PSMA1: variants seen among roughly 807,000 people sequenced by gnomAD.
PSMA1 encodes the protein proteasome subunit alpha type-1.
A neutral mutation model predicts 38.4 loss-of-function variants in PSMA1; 3 were observed. The observed-to-expected ratio is 0.08, with a 90% CI of 0.04 to 0.20. The LOEUF (loss-of-function observed/expected upper bound fraction) is 0.20. Ranked by LOEUF, PSMA1 falls within the 10% of genes least tolerant of loss-of-function variation. The pLI is 1.00. For synonymous variants in PSMA1, 101 were observed against 107.1 expected (o/e 0.94, Z 0.35); for missense variants, 227 against 325.3 (o/e 0.70, Z 2.32).
At chr11:14,515,362 A>G (rs1851406657) in intron 4 of PSMA1, among the ~76,000 whole-genome samples, 1 of 152,212 alleles carries the variant, frequency 6.6e-6, no homozygotes, top group Admixed American at 6.5e-5. Context: ...CTTAGTACCT[A>G]AAAACGTGCA....
At chr11:14,553,995 C>T (rs1468490853) in intron 2 of PSMA1, among the ~76,000 whole-genome samples, 1 of 152,102 alleles carries the variant, frequency 6.6e-6, no homozygotes, top group Non-Finnish European at 1.5e-5. Context: ...ATTATTTTAG[C>T]CATCCTAATA....
At chr11:14,643,053 G>A (rs941756329) in intron 1 of PSMA1, among the ~76,000 whole-genome samples, 2 of 151,880 alleles carry the variant, frequency 1.3e-5, no homozygotes, top group African/African-American at 4.8e-5. Flanking sequence ...AATGGAAGGC[G>A]AGACGTTAGT....
chr11:14,603,806 C>G (rs986384288), intron 2 of PSMA1, among the ~76,000 whole-genome samples: 1 of 152,118 alleles, frequency 6.6e-6, no homozygotes, highest in Non-Finnish European at 1.5e-5. Context: ...ACAGGGAAAA[C>G]AGATCTATAA....
intron 2 of PSMA1, among the ~76,000 whole-genome samples, chr11:14,550,687 G>A (rs1190596776): frequency 6.6e-6 from 1 of 152,088 alleles, no homozygotes; most frequent in Non-Finnish European, 1.5e-5. Flanking sequence ...TGAGGGTGGG[G>A]GATCAGTTGG....
chr11:14,531,938 T>C lies in PSMA1; in HGVS notation c.22-12897A>G, dbSNP rs907259979. ...TGTATTACCTTCTCCCGCTCCATGT[T>C]GGCCACAGGTTGGCAGTGGTACTGC... On this transcript the variant is annotated intron_variant, in intron 2 of 10. Coordinates refer to the PSMA1 transcript ENST00000418988. Among the ~76,000 whole-genome samples, 11 of 152,210 alleles carry C rather than the reference T, an allele frequency of 7.2e-5. No homozygotes were observed. In the East Asian group the frequency reaches 2.1e-3, roughly 29 times the overall value.
In PSMA1 at chr11:14,534,887, C is replaced by T. The variant is rs1851685859; in HGVS notation, c.22-15846G>A. Among the ~76,000 whole-genome samples the T allele has an allele frequency of 1.3e-5, 2 of 152,142 alleles. No homozygotes were observed. Among genetic ancestry groups the T allele is most frequent in the South Asian group, 4.1e-4 (2 of 4,834 alleles). ...GATCAGGAATTCAAGACCAGCCTGG[C>T]CAACATGGCAAAACCCCGTCTCTAC... On this transcript the variant is annotated intron_variant, in intron 2 of 10. Coordinates refer to the PSMA1 transcript ENST00000418988. This position sits in a 1 kb window ranked among gnomAD's most constrained non-coding sequence, Gnocchi z 4.5.
At chr11:14,508,099 A>C (rs1328786759) in intron 8 of PSMA1, among the ~76,000 whole-genome samples, 1 of 152,186 alleles carries the variant, frequency 6.6e-6, no homozygotes, top group Non-Finnish European at 1.5e-5. Flanking sequence ...TGGCTTTATA[A>C]AACTGACTAA....
rs1241703895 is a variant in PSMA1, at chr11:14,534,205, CATAA to C, written c.22-15168_22-15165del. ...TCAAAAATACATACATACATACATA[CATAA>C]ATAAAATAAAATAAAAATTAATATC... On this transcript the variant is annotated intron_variant, in intron 2 of 10. Transcript: ENST00000418988. This position sits in a 1 kb window ranked among gnomAD's most constrained non-coding sequence, Gnocchi z 4.5. Among the ~76,000 whole-genome samples the C allele has an allele frequency of 6.6e-6, 1 of 151,912 alleles. No homozygotes were observed. Among genetic ancestry groups the C allele is most frequent in the African/African-American group, 2.4e-5 (1 of 41,382 alleles).
At chr11:14,531,372 A>G (rs371559756) in intron 2 of PSMA1, among the ~76,000 whole-genome samples, 151 of 152,278 alleles carry the variant, frequency 9.9e-4, no homozygotes, top group African/African-American at 3.5e-3. Flanking sequence ...AAGTGAGAAC[A>G]TGTGGTATTT....
intron 1 of PSMA1, among the ~76,000 whole-genome samples, chr11:14,636,350 A>G (rs1853113115): frequency 1.3e-5 from 2 of 152,090 alleles, no homozygotes; most frequent in Non-Finnish European, 2.9e-5. Context: ...CCCCTTCTGG[A>G]AACTTCCTCA....
At chr11:14,618,049 A>G (rs1407865272) in intron 1 of PSMA1, among the ~76,000 whole-genome samples, 1 of 152,202 alleles carries the variant, frequency 6.6e-6, no homozygotes, top group African/African-American at 2.4e-5. Flanking sequence ...CTTTTCAGAA[A>G]GATTCCCATT....
chr11:14,634,266 G>C (rs1052312098), intron 1 of PSMA1, among the ~76,000 whole-genome samples: 3 of 152,102 alleles, frequency 2.0e-5, no homozygotes, highest in Non-Finnish European at 4.4e-5. Flanking sequence ...GCTGTTTCTG[G>C]ATATTCCATT....
chr11:14,533,663 C>T (rs1851673557), intron 2 of PSMA1, among the ~76,000 whole-genome samples: 1 of 151,424 alleles, frequency 6.6e-6, no homozygotes, highest in Non-Finnish European at 1.5e-5. Context: ...AGCCATCTAC[C>T]CAGCTCAGCC....
chr11:14,507,606 GA>G (rs1851266504), intron 9 of PSMA1, 49 bp downstream of exon 9: 5 of 1,267,596 alleles, frequency 3.9e-6, no homozygotes, highest in Non-Finnish European at 5.7e-6. Flanking sequence ...GTTGTGGTAA[GA>G]ACAGCAGCTT....
At position 14,588,212 on chromosome 11, in the gene PSMA1, C is replaced by T. The variant is rs562418603; in HGVS notation, c.21+22754G>A. On this transcript the variant is annotated intron_variant, in intron 2 of 10. Coordinates refer to the PSMA1 transcript ENST00000418988. The stretch of plus-strand genomic sequence containing the variant: ...AGGAAAAACTTCAGAAAGGAATAGG[C>T]GCTCTGCTGGTTTTGAATGAAAAGA... 9.2e-5 allele frequency among the ~76,000 whole-genome samples: 14 copies of T among 152,280 alleles called. No individual in the cohort carries two copies. In the South Asian group the frequency reaches 1.7e-3, roughly 18 times the overall value.
intron 1 of PSMA1, among the ~76,000 whole-genome samples, chr11:14,630,300 T>C (rs1238989997): frequency 1.3e-5 from 2 of 152,204 alleles, no homozygotes; most frequent in Admixed American, 6.5e-5. Flanking sequence ...TGGCTGTGGG[T>C]TTCTCATAGA....
At chr11:14,518,954 C>G in intron 2 of PSMA1, 43 bp downstream of exon 2, 1 of 1,483,102 alleles carries the variant, frequency 6.7e-7, no homozygotes, top group Non-Finnish European at 9.2e-7. Flanking sequence ...ATTGCAGCCA[C>G]AAAAAGCCAC....
chr11:14,596,631 A>G (rs947283960), intron 2 of PSMA1, among the ~76,000 whole-genome samples: 10 of 152,228 alleles, frequency 6.6e-5, no homozygotes, highest in South Asian at 2.1e-4. Context: ...TTATCAGCTT[A>G]AGGAGATTTT....
chr11:14,620,068 G>A (rs981934972), intron 1 of PSMA1, among the ~76,000 whole-genome samples: 5 of 145,548 alleles, frequency 3.4e-5, no homozygotes, highest in Non-Finnish European at 6.0e-5. Context: ...GTGTGTGTGC[G>A]TGTGTGTGTG....
Sources: gnomAD v4.1 joint callset for allele counts (sites outside exome capture counted in the v4.1 genomes callset) on GRCh38, gnomAD v4.1.1 for gene constraint, Gnocchi (gnomAD v3.1) non-coding constraint, MANE v1.5 for transcripts, NCBI Gene and HGNC (gene_info 2026-07-23, HGNC 2026-07-21) for gene names.